The following TPD52L1 variants were observed in gnomAD, a reference collection of about 807,000 sequenced individuals.
The protein encoded by TPD52L1 is TPD52 like 1.
Under a neutral mutation model 28.7 loss-of-function variants are expected in TPD52L1, and 18 were observed. The observed-to-expected ratio is 0.63, with a 90% CI of 0.43 to 0.93. The LOEUF is 0.93. TPD52L1 is among the 40% of genes least tolerant of loss of function. The pLI is 0.00. For missense variants in TPD52L1, 203 were observed against 254.8 expected (o/e 0.80, Z 1.39); for synonymous variants, 75 against 88.8 (o/e 0.84, Z 0.88).
intron 1 of TPD52L1, among the ~76,000 whole-genome samples, chr6:125,208,026 C>T (rs995632815): frequency 6.6e-6 from 1 of 152,178 alleles, no homozygotes; most frequent in Admixed American, 6.5e-5. Flanking sequence ...GCAGCTGCTT[C>T]GAGAAAGTTC....
chr6:125,184,037 C>G (rs1792412870), intron 1 of TPD52L1, among the ~76,000 whole-genome samples: 4 of 152,274 alleles, frequency 2.6e-5, no homozygotes, highest in South Asian at 2.1e-4. Flanking sequence ...ATCCACCCGT[C>G]TATTTTAAAC....
chr6:125,225,884 GA>G (rs1328609768), intron 2 of TPD52L1, among the ~76,000 whole-genome samples: 2 of 152,134 alleles, frequency 1.3e-5, no homozygotes, highest in Non-Finnish European at 2.9e-5. Flanking sequence ...AGATGCCTGG[GA>G]ATCTGCATTT....
At chr6:125,164,932 G>A (rs1004500285) in intron 1 of TPD52L1, among the ~76,000 whole-genome samples, 3 of 151,730 alleles carry the variant, frequency 2.0e-5, no homozygotes, top group Admixed American at 1.3e-4. Context: ...CAACAACACC[G>A]TAAAGCCAGT....
chr6:125,220,169 A>G lies in TPD52L1; in HGVS notation c.111A>G (p.Glu37=). Residue 37 remains glutamate, a synonymous_variant, in exon 2 of 7, where the codon GAA becomes GAG. Transcript: ENST00000534000. The part of the protein sequence containing the change: ...FSSMLSEEEK[E]ELKAELVQLE... ...GCATGCTCTCTGAGGAGGAAAAGGA[A>G]GAGTTAAAAGCAGAGTTAGTTCAGG... 3 of 1,613,202 alleles carry G rather than the reference A, an allele frequency of 1.9e-6. No homozygotes were observed. Among genetic ancestry groups the G allele is most frequent in the Non-Finnish European group, 2.5e-6 (3 of 1,179,212 alleles).
At chr6:125,227,593 G>A (rs183670368) in intron 2 of TPD52L1, among the ~76,000 whole-genome samples, 58 of 152,300 alleles carry the variant, frequency 3.8e-4, no homozygotes, top group Non-Finnish European at 7.8e-4. Flanking sequence ...ATGCATGTGG[G>A]ATACTAAGGT....
At chr6:125,192,649 C>T (rs1452325228) in intron 1 of TPD52L1, among the ~76,000 whole-genome samples, 2 of 152,100 alleles carry the variant, frequency 1.3e-5, no homozygotes, top group Non-Finnish European at 2.9e-5. Flanking sequence ...GGGCTGAGCC[C>T]GCTTTTCTGA....
intron 1 of TPD52L1, among the ~76,000 whole-genome samples, chr6:125,214,255 G>T (rs1422127516): frequency 6.6e-6 from 1 of 152,160 alleles, no homozygotes; most frequent in Admixed American, 6.5e-5. Context: ...CACAGAGAAG[G>T]GTAGAGGAGG....
At chr6:125,248,593 G>A in intron 4 of TPD52L1, 2 of 510,270 alleles carry the variant, frequency 3.9e-6, no homozygotes, top group African/African-American at 1.9e-5. Flanking sequence ...CCTGGTCCCA[G>A]AGTTGCTGTT....
chr6:125,163,576 C>A (rs1468446522), intron 1 of TPD52L1, among the ~76,000 whole-genome samples: 1 of 148,298 alleles, frequency 6.7e-6, no homozygotes, highest in African/African-American at 2.5e-5. Context: ...AAAGTGACAC[C>A]CTGTCTAAAA....
rs961644952 is a variant in TPD52L1, at chr6:125,264,260, T to G, written c.*1298T>G. 2 of 152,154 alleles carry G rather than the reference T, an allele frequency of 1.3e-5. No individual in the cohort carries two copies. Among genetic ancestry groups the G allele is most frequent in the Admixed American group, 1.3e-4 (2 of 15,268 alleles). The allele number at this position is 152,154 out of a possible 1,614,324, so 9.4% of individuals were successfully genotyped here. A position where few individuals can be genotyped will look rare whatever the true frequency, so the allele number is the denominator to read the frequency against. On this transcript the variant is annotated 3_prime_UTR_variant, in exon 7 of 7. Transcript: ENST00000534000. ...TTGTAAAATGCACACTGAATAGACATCCAACCTAAAAAAAATCACTATTTA... is the reference window on the plus strand; with the variant it reads ...TTGTAAAATGCACACTGAATAGACAGCCAACCTAAAAAAAATCACTATTTA...
At chr6:125,185,894 A>T (rs1180209581) in intron 1 of TPD52L1, among the ~76,000 whole-genome samples, 1 of 130,466 alleles carries the variant, frequency 7.7e-6, no homozygotes, top group Admixed American at 8.2e-5. Context: ...TGGAAATTTG[A>T]TTTTTTTTTT....
chr6:125,154,048 G>A, intron 1 of TPD52L1, 78 bp downstream of exon 1: 4 of 1,539,796 alleles, frequency 2.6e-6, no homozygotes, highest in Non-Finnish European at 3.5e-6. Context: ...ACCTAACTTC[G>A]CTCTCGGACA....
At chr6:125,196,675 G>C (rs1013138037) in intron 1 of TPD52L1, among the ~76,000 whole-genome samples, 66 of 152,080 alleles carry the variant, frequency 4.3e-4, no homozygotes, top group Non-Finnish European at 2.2e-4. Flanking sequence ...AAATTTCCTT[G>C]AAAATAGAAC....
intron 1 of TPD52L1, among the ~76,000 whole-genome samples, chr6:125,215,041 A>G (rs143280149): frequency 2.0e-5 from 3 of 152,344 alleles, no homozygotes; most frequent in Admixed American, 2.0e-4. Flanking sequence ...AACCAAGTTC[A>G]TGAAATTGGT....
intron 1 of TPD52L1, among the ~76,000 whole-genome samples, chr6:125,207,456 T>C (rs1438849748): frequency 6.6e-6 from 1 of 152,228 alleles, no homozygotes; most frequent in Non-Finnish European, 1.5e-5. Flanking sequence ...CTCTTCTGTT[T>C]CTACACATTT....
chr6:125,262,794 G>A, intron 6 of TPD52L1, 40 bp from the exon 7 acceptor site: 1 of 1,566,102 alleles, frequency 6.4e-7, no homozygotes, highest in Non-Finnish European at 8.6e-7. Context: ...AAAAATGATA[G>A]TAACAACTAA....
intron 1 of TPD52L1, among the ~76,000 whole-genome samples, chr6:125,155,969 G>A (rs1790090795): frequency 6.6e-6 from 1 of 152,164 alleles, no homozygotes; most frequent in African/African-American, 2.4e-5. Context: ...TAGGTAAAAA[G>A]TAGCAAAGTG....
chr6:125,186,513 A>G (rs1035561862), intron 1 of TPD52L1, among the ~76,000 whole-genome samples: 10 of 152,308 alleles, frequency 6.6e-5, no homozygotes, highest in Admixed American at 3.9e-4. Context: ...ATGAATTAAT[A>G]TTATATTTAG....
chr6:125,156,271 C>T (rs1267572184), intron 1 of TPD52L1, among the ~76,000 whole-genome samples: 1 of 151,924 alleles, frequency 6.6e-6, no homozygotes, highest in Non-Finnish European at 1.5e-5. Flanking sequence ...TCGAGACCAG[C>T]CTGGACAACA....
Sources: gnomAD v4.1 joint callset for allele counts (sites outside exome capture counted in the v4.1 genomes callset) on GRCh38, gnomAD v4.1.1 for gene constraint, MANE v1.5 for transcripts, NCBI Gene and HGNC (gene_info 2026-07-23, HGNC 2026-07-21) for gene names.